The following CCSER1 variants were observed in gnomAD, a reference collection of about 807,000 sequenced individuals.
CCSER1 encodes the protein serine-rich coiled-coil domain-containing protein 1.
In CCSER1, 41 loss-of-function variants were observed where a neutral mutation model predicts 82.0. The ratio of observed to expected loss-of-function variants is 0.50; its 90% confidence interval spans 0.39 to 0.65. The LOEUF is 0.65. Ranked by LOEUF, CCSER1 falls within the 30% of genes least tolerant of loss-of-function variation. The pLI, the probability that CCSER1 is intolerant of heterozygous loss-of-function variation, is 0.00. For missense variants in CCSER1, 1,119 were observed against 1,064.2 expected (o/e 1.05, Z -0.72); for synonymous variants, 414 against 383.9 (o/e 1.08, Z -0.92).
chr4:90,340,208 T>G (rs966718868), intron 3 of CCSER1, among the ~76,000 whole-genome samples: 3 of 152,150 alleles, frequency 2.0e-5, no homozygotes, highest in Admixed American at 2.0e-4. Flanking sequence ...GGCCTCACAG[T>G]AGGAGGATGA....
intron 10 of CCSER1, among the ~76,000 whole-genome samples, chr4:91,212,081 A>G (rs1736863187): frequency 6.6e-6 from 1 of 152,154 alleles, no homozygotes; most frequent in Non-Finnish European, 1.5e-5. Context: ...GTCTGGGAAC[A>G]TTGCCTTAAA....
At chr4:91,411,491 C>CATATATATATATATATAT (rs770013398) in intron 10 of CCSER1, among the ~76,000 whole-genome samples, 1,157 of 53,096 alleles carry the variant, frequency 0.022, 118 homozygotes, top group East Asian at 0.058. Flanking sequence ...TGCATATATA[C>CATATATATATATATATAT]ATATATATAT....
At chr4:91,392,833 T>C (rs1751746035) in intron 10 of CCSER1, among the ~76,000 whole-genome samples, 1 of 152,140 alleles carries the variant, frequency 6.6e-6, no homozygotes, top group Non-Finnish European at 1.5e-5. Context: ...TCTGATCTAC[T>C]TCAAGGCAGA....
intron 10 of CCSER1, among the ~76,000 whole-genome samples, chr4:91,207,775 T>C (rs1053609343): frequency 2.6e-5 from 4 of 151,960 alleles, no homozygotes; most frequent in Admixed American, 2.6e-4. Flanking sequence ...CAAATGGTAG[T>C]TCTGCTTTTA....
At chr4:90,893,492 A>G (rs1561317052) in intron 8 of CCSER1, among the ~76,000 whole-genome samples, 1 of 152,088 alleles carries the variant, frequency 6.6e-6, no homozygotes, top group Non-Finnish European at 1.5e-5. Flanking sequence ...GTCCAAAAAC[A>G]AGGAGATGGG....
chr4:90,695,997 A>G (rs575711806), intron 6 of CCSER1, among the ~76,000 whole-genome samples: 3 of 152,228 alleles, frequency 2.0e-5, no homozygotes, highest in South Asian at 4.1e-4. Flanking sequence ...TTAATGAATA[A>G]AAGTATGCAT....
At chr4:90,153,398 C>T (rs1430292478) in intron 1 of CCSER1, among the ~76,000 whole-genome samples, 4 of 152,010 alleles carry the variant, frequency 2.6e-5, no homozygotes, top group Admixed American at 6.6e-5. Flanking sequence ...TGGGTATATA[C>T]CCAGTAATGG....
intron 9 of CCSER1, among the ~76,000 whole-genome samples, chr4:91,054,905 G>T (rs926885512): frequency 6.6e-5 from 10 of 152,078 alleles, no homozygotes; most frequent in Non-Finnish European, 1.3e-4. Flanking sequence ...TACTTAACCT[G>T]TAGCTGGATT....
chr4:90,271,099 C>A (rs72879713), intron 1 of CCSER1, among the ~76,000 whole-genome samples: 3 of 151,868 alleles, frequency 2.0e-5, no homozygotes, highest in Admixed American at 6.6e-5. Context: ...CAATTCCTCT[C>A]GAAATACCTA....
intron 5 of CCSER1, among the ~76,000 whole-genome samples, chr4:90,516,954 G>T (rs1286268068): frequency 6.6e-6 from 1 of 152,124 alleles, no homozygotes; most frequent in Non-Finnish European, 1.5e-5. Context: ...TTATTTGGTA[G>T]TTTATATGGT....
At chr4:90,144,806 T>C (rs1300046184) in intron 1 of CCSER1, among the ~76,000 whole-genome samples, 1 of 152,192 alleles carries the variant, frequency 6.6e-6, no homozygotes, top group Non-Finnish European at 1.5e-5. Context: ...ATTCTAATGC[T>C]TAGGTTCCTC....
chr4:91,405,655 G>A (rs866941869), intron 10 of CCSER1, among the ~76,000 whole-genome samples: 3 of 152,166 alleles, frequency 2.0e-5, no homozygotes, highest in Non-Finnish European at 2.9e-5. Flanking sequence ...GCCTGGCTCC[G>A]TGGCATTGGA....
chr4:90,253,700 G>T (rs1328035432), intron 1 of CCSER1, among the ~76,000 whole-genome samples: 3 of 152,248 alleles, frequency 2.0e-5, no homozygotes, highest in African/African-American at 7.2e-5. Context: ...TTTCCCCAAT[G>T]GGATTCAATC....
In CCSER1 at chr4:91,374,486, A is replaced by C. The variant is rs551169747; in HGVS notation, c.2218-224086A>C. On this transcript the variant is annotated intron_variant, in intron 10 of 10. Transcript: ENST00000509176. ...GATGACAGCACTGCTGTTTACAACA[A>C]AGATACTGAATGTTTTAAGCCCATT... Among the ~76,000 whole-genome samples, 4 of 152,320 alleles carry C rather than the reference A, an allele frequency of 2.6e-5. No individual in the cohort carries two copies. The East Asian group carries it at 7.7e-4, about 29-fold the overall frequency.
chr4:90,962,678 G>T (rs1168979812), intron 9 of CCSER1, among the ~76,000 whole-genome samples: 3 of 152,016 alleles, frequency 2.0e-5, no homozygotes, highest in Admixed American at 1.3e-4. Context: ...ATTTAGTAGG[G>T]TACTGTACAT....
chr4:90,374,266 C>G (rs1747940073), intron 3 of CCSER1, among the ~76,000 whole-genome samples: 3 of 152,136 alleles, frequency 2.0e-5, no homozygotes, highest in Admixed American at 2.0e-4. Context: ...TAATGGTCAA[C>G]CAAGCAATAA....
At chr4:91,243,497 A>G (rs1739532185) in intron 10 of CCSER1, among the ~76,000 whole-genome samples, 2 of 152,168 alleles carry the variant, frequency 1.3e-5, no homozygotes, top group Non-Finnish European at 2.9e-5. Context: ...CACAGCAATG[A>G]AAGTGACTCA....
At chr4:90,663,945 C>G (rs961516373) in intron 6 of CCSER1, 2 of 251,722 alleles carry the variant, frequency 7.9e-6, no homozygotes, top group Non-Finnish European at 1.8e-5. Context: ...TGTAAGTTAC[C>G]TGTTTGCTAC....
At chr4:91,039,544 G>A (rs965548518) in intron 9 of CCSER1, among the ~76,000 whole-genome samples, 2 of 151,998 alleles carry the variant, frequency 1.3e-5, no homozygotes, top group African/African-American at 4.8e-5. Context: ...GAATGGAAAT[G>A]GTAAAATTGT....
Sources: allele counts gnomAD v4.1 joint callset (sites outside exome capture counted in the v4.1 genomes callset), GRCh38; gene constraint gnomAD v4.1.1; transcripts MANE v1.5; gene names NCBI Gene and HGNC (gene_info 2026-07-23, HGNC 2026-07-21).